The following PARN variants were observed in gnomAD, a reference collection of about 807,000 sequenced individuals.
The protein encoded by PARN is poly(A)-specific ribonuclease.
In PARN, 71 loss-of-function variants were observed where a neutral mutation model predicts 102.8. The ratio of observed to expected loss-of-function variants is 0.69; its 90% confidence interval spans 0.57 to 0.84. The LOEUF (loss-of-function observed/expected upper bound fraction) is 0.84. PARN is among the 40% of genes least tolerant of loss of function. The pLI is 0.00. For synonymous variants in PARN, 261 were observed against 252.9 expected (o/e 1.03, Z -0.30); for missense variants, 782 against 760.9 (o/e 1.03, Z -0.33).
chr16:14,502,032 C>T (rs1031399327), intron 21 of PARN, among the ~76,000 whole-genome samples: 1 of 152,194 alleles, frequency 6.6e-6, no homozygotes, highest in Non-Finnish European at 1.5e-5. Context: ...TAACAAACAT[C>T]ATATGAGCAG....
chr16:14,474,135 G>A (rs531987781), intron 22 of PARN, among the ~76,000 whole-genome samples: 1 of 152,144 alleles, frequency 6.6e-6, no homozygotes, highest in South Asian at 2.1e-4. Flanking sequence ...TGGGACTATA[G>A]GCATGGGCCA....
intron 21 of PARN, among the ~76,000 whole-genome samples, chr16:14,543,424 TCTC>T (rs1432965684): frequency 6.7e-6 from 1 of 150,212 alleles, no homozygotes; most frequent in African/African-American, 2.4e-5. Context: ...AATATTTTCT[TCTC>T]CTTATTTCTT....
chr16:14,571,443 A>T (rs1490751114), intron 18 of PARN, among the ~76,000 whole-genome samples: 29 of 152,224 alleles, frequency 1.9e-4, no homozygotes, highest in Non-Finnish European at 4.3e-4. Flanking sequence ...GGAGAAACAA[A>T]AAACAGTAAC....
At chr16:14,480,024 A>C (rs1963293082) in intron 22 of PARN, among the ~76,000 whole-genome samples, 1 of 152,084 alleles carries the variant, frequency 6.6e-6, no homozygotes, top group African/African-American at 2.4e-5. Context: ...CTTAATAAAC[A>C]AGACTTTATG....
Position 14,627,108 on chromosome 16 carries a change from G to A in PARN, c.325C>T (p.Gln109Ter). The A allele has an allele frequency of 6.4e-7, 1 of 1,574,622 alleles. No individual in the cohort carries two copies. Among genetic ancestry groups the A allele is most frequent in the Non-Finnish European group, 8.7e-7 (1 of 1,146,454 alleles). ...AAAATCTCAATTATGCTACTTACCTGACAAACAAATTTGACATCTGGTGAG... is the reference window on the plus strand; with the variant it reads ...AAAATCTCAATTATGCTACTTACCTAACAAACAAATTTGACATCTGGTGAG... Reference protein sequence around the residue: ...RSSPDVKFVCQSSSIDFLASQ... With the variant: ...RSSPDVKFVC Residue 109 changes from glutamine (Q) to a stop codon, truncating the protein, a stop_gained and splice_region_variant, in exon 5 of 24, where the codon CAG becomes TAG. Transcript: ENST00000437198. LOFTEE classifies it high-confidence loss of function.
chr16:14,585,796 C>T (rs573166980), intron 14 of PARN, among the ~76,000 whole-genome samples: 1 of 152,178 alleles, frequency 6.6e-6, no homozygotes, highest in East Asian at 1.9e-4. Context: ...AAAAAGGAGT[C>T]GTTGGTCTAC....
At position 14,567,467 on chromosome 16, in the gene PARN, G is replaced by T. The variant is rs574955414; in HGVS notation, c.1263-11758C>A. ...CACTGTCCACATGCAGCCAGTTTATGATAAGCTGTGCTGCCTAGTCCAGGT... is the reference window on the plus strand; with the variant it reads ...CACTGTCCACATGCAGCCAGTTTATTATAAGCTGTGCTGCCTAGTCCAGGT... On this transcript the variant is annotated intron_variant, in intron 18 of 23. Transcript: ENST00000437198. Among the ~76,000 whole-genome samples the T allele has an allele frequency of 2.6e-5, 4 of 152,316 alleles. No homozygotes were observed. The South Asian group carries it at 6.2e-4, about 24-fold the overall frequency.
At chr16:14,511,780 A>C (rs1285868708) in intron 21 of PARN, among the ~76,000 whole-genome samples, 1 of 152,200 alleles carries the variant, frequency 6.6e-6, no homozygotes, top group Non-Finnish European at 1.5e-5. Flanking sequence ...CACTTACTGC[A>C]GCCTCGAACT....
intron 18 of PARN, among the ~76,000 whole-genome samples, chr16:14,559,266 G>T (rs1458643232): frequency 1.3e-5 from 2 of 150,826 alleles, no homozygotes; most frequent in African/African-American, 4.9e-5. Context: ...TTTCCATTTA[G>T]ATGTTTTGAA....
intron 18 of PARN, among the ~76,000 whole-genome samples, chr16:14,566,689 A>C (rs1968455761): frequency 6.6e-6 from 1 of 152,196 alleles, no homozygotes; most frequent in Admixed American, 6.5e-5. Context: ...ATTTCCTTTT[A>C]CCTCAACAAG....
intron 21 of PARN, among the ~76,000 whole-genome samples, chr16:14,509,614 A>G (rs1965079236): frequency 6.6e-6 from 1 of 152,156 alleles, no homozygotes; most frequent in Non-Finnish European, 1.5e-5. Context: ...TCAACATTCA[A>G]AGTCTACCCA....
chr16:14,607,342 G>A (rs1218771469), intron 9 of PARN, among the ~76,000 whole-genome samples: 2 of 151,990 alleles, frequency 1.3e-5, no homozygotes. Context: ...CAAGTAGCTG[G>A]GATTACAGGC....
chr16:14,497,106 A>G (rs1439592725), intron 21 of PARN, among the ~76,000 whole-genome samples: 1 of 152,134 alleles, frequency 6.6e-6, no homozygotes, highest in Non-Finnish European at 1.5e-5. Flanking sequence ...ACTAAACAAT[A>G]CCTACTTTTA....
At chr16:14,446,143 C>T (rs985568665) in intron 23 of PARN, among the ~76,000 whole-genome samples, 1 of 152,196 alleles carries the variant, frequency 6.6e-6, no homozygotes, top group African/African-American at 2.4e-5. Context: ...ACAAGATGCC[C>T]TTCTGGCCTC....
chr16:14,500,260 A>T (rs1237232864), intron 21 of PARN, among the ~76,000 whole-genome samples: 1 of 152,096 alleles, frequency 6.6e-6, no homozygotes, highest in East Asian at 1.9e-4. Context: ...ATCTTGCTAC[A>T]TTGCCAGGGC....
chr16:14,497,030 G>A (rs1391010677), intron 21 of PARN, among the ~76,000 whole-genome samples: 1 of 152,114 alleles, frequency 6.6e-6, no homozygotes, highest in Non-Finnish European at 1.5e-5. Flanking sequence ...CCCTTCCCCT[G>A]CCTGAGGGAT....
At chr16:14,619,477 A>G (rs1972151289) in intron 5 of PARN, among the ~76,000 whole-genome samples, 1 of 151,982 alleles carries the variant, frequency 6.6e-6, no homozygotes, top group African/African-American at 2.4e-5. Flanking sequence ...AAATAAGTAT[A>G]TATTAGGCTG....
intron 21 of PARN, among the ~76,000 whole-genome samples, chr16:14,508,407 AAAAT>A (rs1440578101): frequency 2.0e-5 from 3 of 152,112 alleles, no homozygotes; most frequent in Non-Finnish European, 4.4e-5. Flanking sequence ...AATTTTTTAA[AAAAT>A]AAATAAAAAT....
intron 18 of PARN, among the ~76,000 whole-genome samples, chr16:14,571,544 A>G (rs1016290451): frequency 6.6e-6 from 1 of 152,154 alleles, no homozygotes; most frequent in Non-Finnish European, 1.5e-5. Context: ...TCAATAATTC[A>G]AAACAAAGTC....
Sources: allele counts gnomAD v4.1 joint callset (sites outside exome capture counted in the v4.1 genomes callset), GRCh38; gene constraint gnomAD v4.1.1; transcripts MANE v1.5; gene names NCBI Gene and HGNC (gene_info 2026-07-23, HGNC 2026-07-21).